Variants in PDZK1 observed in about 807,000 individuals in gnomAD.
PDZK1 encodes the protein PDZ domain containing 1.
Under a neutral mutation model 38.1 loss-of-function variants are expected in PDZK1, and 23 were observed. The ratio of observed to expected loss-of-function variants is 0.60; its 90% CI spans 0.43 to 0.85. The LOEUF (loss-of-function observed/expected upper bound fraction) is 0.85. PDZK1 is among the 40% of genes least tolerant of loss of function. The pLI is 0.00. For missense variants in PDZK1, 297 were observed against 504.3 expected (o/e 0.59, Z 3.94); for synonymous variants, 98 against 186.2 (o/e 0.53, Z 3.86).
Position 145,671,437 on chromosome 1 carries a change from C to G in PDZK1, c.1559G>C (p.Ter520SerextTer1). 6.4e-7 allele frequency: 1 copy of G among 1,570,926 alleles called. No individual in the cohort carries two copies. Among genetic ancestry groups the G allele is most frequent in the South Asian group, 1.1e-5 (1 of 88,412 alleles). Reference sequence around the variant, plus strand: ...AGCCAAAGCTATTACTTGTTTTCATCACATCTCTGTATCTTCAGAATTGGA... The same window carrying G: ...AGCCAAAGCTATTACTTGTTTTCATGACATCTCTGTATCTTCAGAATTGGA... ...SSSNSEDTEM[*>S] Residue 520 changes from the stop codon to serine, a stop_lost, in exon 9 of 9, where the codon TGA becomes TCA. Coordinates refer to ENST00000417171, the MANE Select transcript of PDZK1 (RefSeq NM_001201325.2).
At chr1:145,695,790 A>G (rs1655595949) in intron 1 of PDZK1, among the ~76,000 whole-genome samples, 1 of 152,216 alleles carries the variant, frequency 6.6e-6, no homozygotes, top group Non-Finnish European at 1.5e-5. Flanking sequence ...CCTGACCCAC[A>G]TAGCAGCCAT....
At chr1:145,705,286 TCAC>T (rs1323186583) in intron 1 of PDZK1, among the ~76,000 whole-genome samples, 1 of 152,174 alleles carries the variant, frequency 6.6e-6, no homozygotes, top group East Asian at 1.9e-4. Flanking sequence ...AGATGGGGTT[TCAC>T]CATGTTGGCC....
At chr1:145,701,658 G>C (rs1553705004) in intron 1 of PDZK1, among the ~76,000 whole-genome samples, 1 of 152,134 alleles carries the variant, frequency 6.6e-6, no homozygotes, top group East Asian at 1.9e-4. Context: ...TGACTCCAAG[G>C]CTTCATGCCT....
In PDZK1 at chr1:145,673,749, T is replaced by A. The variant is rs782477608; in HGVS notation, c.1123A>T (p.Lys375Ter). 3.1e-6 allele frequency: 5 copies of A among 1,611,836 alleles called. No individual in the cohort carries two copies. In the South Asian group the frequency reaches 4.4e-5, roughly 14 times the overall value. The change falls in exon 7 of 9, where the codon AAG (lysine) becomes TAG (stop). Residue 375 changes from lysine (K) to a stop codon, truncating the protein, a stop_gained. Coordinates refer to ENST00000417171, the MANE Select transcript of PDZK1 (RefSeq NM_001201325.2). LOFTEE classifies it high-confidence loss of function. ...PPDTTEEVDHKPKLCRLAKGE... is the reference protein window; with the variant it reads ...PPDTTEEVDH ...TTAGCCAGCCTGCAGAGTTTAGGCTTATGATCTACTTCCTCTGTAGTATCT... is the reference window on the plus strand; with the variant it reads ...TTAGCCAGCCTGCAGAGTTTAGGCTAATGATCTACTTCCTCTGTAGTATCT...
rs143302418 is a variant in PDZK1 at position 145,687,130 on chromosome 1, GTT to G, written c.211-406_211-405del. On this transcript the variant is annotated intron_variant, in intron 2 of 8. Coordinates refer to ENST00000417171, the MANE Select transcript of PDZK1 (RefSeq NM_001201325.2). ...TCCCATATATCCTCAGCAGGAACAT[GTT>G]AGCAAGCTAAGATATCTGTACTTAG... is the stretch of plus-strand genomic sequence containing the variant. Among the ~76,000 whole-genome samples, 262 of 152,254 alleles carry G rather than the reference GTT, an allele frequency of 1.7e-3. 7 individuals carry two copies. The East Asian group carries it at 0.047, about 27-fold the overall frequency.
chr1:145,703,597 G>C (rs1441272454), intron 1 of PDZK1, among the ~76,000 whole-genome samples: 6 of 152,014 alleles, frequency 3.9e-5, no homozygotes, highest in Admixed American at 2.6e-4. Flanking sequence ...CCAGGCCTGA[G>C]GTGTAGAATG....
intron 5 of PDZK1, among the ~76,000 whole-genome samples, chr1:145,679,122 A>C (rs1399727100): frequency 6.6e-6 from 1 of 151,526 alleles, no homozygotes; most frequent in Non-Finnish European, 1.5e-5. Context: ...TTGTATATAC[A>C]TGCCTCCATG....
In PDZK1 at chr1:145,696,824, G is replaced by A. The variant is rs587696246; in HGVS notation, c.-2-8801C>T. ...TGCCATTAAAAGATGGTGTAGTCAT[G>A]AGGAATGAGATGGCAATGTCAGTTT... is the stretch of plus-strand genomic sequence containing the variant. On this transcript the variant is annotated intron_variant, in intron 1 of 8. Coordinates refer to ENST00000417171, the MANE Select transcript of PDZK1 (RefSeq NM_001201325.2). Among the ~76,000 whole-genome samples, 35 of 152,292 alleles carry A rather than the reference G, an allele frequency of 2.3e-4. No individual in the cohort carries two copies. The East Asian group carries it at 6.4e-3, about 28-fold the overall frequency.
chr1:145,689,180 C>CT (rs1178702984), intron 1 of PDZK1, among the ~76,000 whole-genome samples: 3 of 152,182 alleles, frequency 2.0e-5, no homozygotes, highest in African/African-American at 7.2e-5. Context: ...AATTCCTGGG[C>CT]TTAGGCGATC....
chr1:145,681,243 G>C, intron 4 of PDZK1, 136 bp from the exon 5 acceptor site: 2 of 432,614 alleles, frequency 4.6e-6, no homozygotes, highest in Non-Finnish European at 4.1e-6. Flanking sequence ...AGTTTAAGCT[G>C]TTACACTATG....
At chr1:145,674,107 C>G in intron 6 of PDZK1, 1 of 764,792 alleles carries the variant, frequency 1.3e-6, no homozygotes. Flanking sequence ...CAAATGCACA[C>G]ATGAACATAA....
chr1:145,675,602 G>C, intron 6 of PDZK1, among the ~76,000 whole-genome samples: 1 of 150,724 alleles, frequency 6.6e-6, no homozygotes, highest in Non-Finnish European at 1.5e-5. Flanking sequence ...TTAAAATATG[G>C]AAAATTATCA....
chr1:145,690,714 T>C (rs1361601782), intron 1 of PDZK1, among the ~76,000 whole-genome samples: 1 of 152,168 alleles, frequency 6.6e-6, no homozygotes, highest in African/African-American at 2.4e-5. Context: ...ATCTCTTTGT[T>C]TGTAGGCCAA....
At chr1:145,679,452 C>T (rs142479057) in intron 5 of PDZK1, among the ~76,000 whole-genome samples, 24 of 152,172 alleles carry the variant, frequency 1.6e-4, no homozygotes, top group East Asian at 9.7e-4. Context: ...ATCCCACTTC[C>T]TCTACCCTGA....
chr1:145,675,696 C>T (rs1169080872), intron 6 of PDZK1, among the ~76,000 whole-genome samples: 1 of 152,144 alleles, frequency 6.6e-6, no homozygotes, highest in Non-Finnish European at 1.5e-5. Context: ...CAGCTCATCT[C>T]GAGGCAAAGT....
chr1:145,688,157 G>A (rs1445709124), intron 1 of PDZK1, 134 bp from the exon 2 acceptor site: 8 of 758,854 alleles, frequency 1.1e-5, no homozygotes, highest in Non-Finnish European at 1.6e-5. Flanking sequence ...AATGCTGGGG[G>A]CACAGGAGGA....
At chr1:145,680,338 A>G (rs1413562299) in intron 5 of PDZK1, among the ~76,000 whole-genome samples, 1 of 152,326 alleles carries the variant, frequency 6.6e-6, no homozygotes, top group East Asian at 1.9e-4. Flanking sequence ...TTATGGGCGA[A>G]TAGCAGTTTA....
intron 3 of PDZK1, among the ~76,000 whole-genome samples, 186 bp downstream of exon 3, chr1:145,686,291 T>C (rs1192196374): frequency 6.6e-6 from 1 of 151,752 alleles, no homozygotes; most frequent in Non-Finnish European, 1.5e-5. Context: ...ATTGCACAAC[T>C]GTGCAAGGCA....
rs782597684 is a variant in PDZK1, at chr1:145,687,896, G to T, written c.126C>A (p.Ser42Arg). ...GHLVRVVEKC[S>R]PAEKAGLQDG... is the part of the protein sequence containing the mutation. Reference sequence around the variant, plus strand: ...CTTGAAGGCCAGCCTTCTCTGCTGGGCTACACTTCTCAACCACCCGGACCA... The same window carrying T: ...CTTGAAGGCCAGCCTTCTCTGCTGGTCTACACTTCTCAACCACCCGGACCA... The change falls in exon 2 of 9, where the codon AGC becomes AGA. Residue 42 changes from serine (S) to arginine (R), a missense_variant. Ser to Arg is a moderately radical substitution (Grantham distance 110). Transcript: ENST00000417171. The T allele has an allele frequency of 1.9e-6, 3 of 1,613,398 alleles. No individual in the cohort carries two copies. The highest frequency in any genetic ancestry group is 2.2e-5 in the South Asian group (2 of 91,004).
Sources: allele counts gnomAD v4.1 joint callset (sites outside exome capture counted in the v4.1 genomes callset), GRCh38; gene constraint gnomAD v4.1.1; transcripts MANE v1.5; gene names NCBI Gene and HGNC (gene_info 2026-07-23, HGNC 2026-07-21).